IPMK: variants seen among roughly 807,000 people sequenced by gnomAD.
IPMK encodes the protein inositol polyphosphate multikinase.
In IPMK, 17 loss-of-function variants were observed where a neutral mutation model predicts 45.8. That is an observed-to-expected ratio of 0.37 (90% CI 0.25 to 0.56). IPMK has a LOEUF of 0.56. Ranked by LOEUF, IPMK falls within the 20% of genes least tolerant of loss-of-function variation. IPMK has a pLI of 0.79. For missense variants in IPMK, 399 were observed against 498.0 expected (o/e 0.80, Z 1.89); for synonymous variants, 180 against 184.3 (o/e 0.98, Z 0.19).
intron 2 of IPMK, among the ~76,000 whole-genome samples, chr10:58,230,875 T>C (rs1034011738): frequency 4.6e-5 from 7 of 152,020 alleles, no homozygotes; most frequent in Non-Finnish European, 8.8e-5. Context: ...ATAACAAACT[T>C]CTCCGAGCTA....
At chr10:58,257,358 G>C (rs150739471) in intron 1 of IPMK, among the ~76,000 whole-genome samples, 5,304 of 152,158 alleles carry the variant, frequency 0.035, 282 homozygotes, top group Admixed American at 0.15. Flanking sequence ...AGCTGGGCAT[G>C]GTGGCATGTG....
intron 1 of IPMK, among the ~76,000 whole-genome samples, chr10:58,266,627 T>A (rs1839151655): frequency 6.6e-6 from 1 of 152,216 alleles, no homozygotes; most frequent in African/African-American, 2.4e-5. Context: ...ATTACCCCAG[T>A]AATCATGGCC....
intron 4 of IPMK, among the ~76,000 whole-genome samples, chr10:58,207,275 T>A (rs953100965): frequency 6.6e-6 from 1 of 152,376 alleles, no homozygotes; most frequent in Middle Eastern, 3.4e-3. Context: ...AGTGCTGGGA[T>A]TACAGGCAAT....
intron 1 of IPMK, among the ~76,000 whole-genome samples, chr10:58,244,434 G>T (rs1298106361): frequency 7.5e-6 from 1 of 133,768 alleles, no homozygotes; most frequent in Non-Finnish European, 1.6e-5. Context: ...CAGCCACCCC[G>T]TCTGGGAGGT....
Position 58,267,469 on chromosome 10 carries a change from G to A in IPMK, c.143C>T (p.Pro48Leu), listed in dbSNP as rs770844074. The change falls in exon 1 of 6, where the codon CCC (proline) becomes CTC (leucine). Residue 48 changes from proline to leucine, a missense_variant. By Grantham distance (98) the Pro-to-Leu change is moderately conservative. Around this residue, in one of 2 missense-constraint regions of IPMK, gnomAD observed 111 missense variants for 99.9 expected, o/e 1.11. Transcript: ENST00000373935. ...GTGCCCGGCCACCTGATGCGAGAGG[G>A]GCACGCAGCCGTTGAGGAAGCGGAG... ...GRLRFLNGCV[P>L]LSHQVAGHMY... 20 of 1,613,766 alleles carry A rather than the reference G, an allele frequency of 1.2e-5. No homozygotes were observed. Among genetic ancestry groups the A allele is most frequent in the Non-Finnish European group, 1.7e-5 (20 of 1,179,884 alleles).
intron 1 of IPMK, among the ~76,000 whole-genome samples, chr10:58,248,819 C>T (rs1838841518): frequency 6.6e-6 from 1 of 152,184 alleles, no homozygotes; most frequent in South Asian, 2.1e-4. Flanking sequence ...TGGTTTATTT[C>T]ACTTCATATA....
intron 2 of IPMK, among the ~76,000 whole-genome samples, chr10:58,229,562 CAAAAAA>C (rs574403627): frequency 1.4e-5 from 1 of 73,014 alleles, no homozygotes; most frequent in Non-Finnish European, 2.5e-5. Flanking sequence ...GACCACGTCT[CAAAAAA>C]AAAAAAAAAA....
At chr10:58,237,676 G>C in intron 2 of IPMK, 53 bp downstream of exon 2, 1 of 1,347,480 alleles carries the variant, frequency 7.4e-7, no homozygotes, top group Non-Finnish European at 1.1e-6. Context: ...GTCACCACCA[G>C]AAAACTCTGA....
chr10:58,249,662 T>C (rs1838854695), intron 1 of IPMK, among the ~76,000 whole-genome samples: 1 of 152,222 alleles, frequency 6.6e-6, no homozygotes, highest in Non-Finnish European at 1.5e-5. Context: ...TGTCACTCTG[T>C]TGATTGTTTC....
At chr10:58,257,191 A>G (rs780404198) in intron 1 of IPMK, among the ~76,000 whole-genome samples, 3 of 152,204 alleles carry the variant, frequency 2.0e-5, no homozygotes, top group African/African-American at 4.8e-5. Context: ...TTTAATTTCA[A>G]TTAAACACAG....
chr10:58,209,463 C>T (rs1468016004), intron 4 of IPMK, among the ~76,000 whole-genome samples: 1 of 152,216 alleles, frequency 6.6e-6, no homozygotes, highest in Non-Finnish European at 1.5e-5. Context: ...GGTGCTCTCC[C>T]TATTCCCCTG....
chr10:58,261,987 G>A (rs1202909551), intron 1 of IPMK, among the ~76,000 whole-genome samples: 2 of 151,984 alleles, frequency 1.3e-5, no homozygotes, highest in Non-Finnish European at 2.9e-5. Flanking sequence ...ACAAACTATC[G>A]CAAGGACAGA....
At chr10:58,242,164 A>C (rs931654614) in intron 1 of IPMK, among the ~76,000 whole-genome samples, 7 of 152,192 alleles carry the variant, frequency 4.6e-5, no homozygotes, top group Non-Finnish European at 1.0e-4. Flanking sequence ...AAATAATCAG[A>C]CAGGGGAACT....
intron 4 of IPMK, among the ~76,000 whole-genome samples, chr10:58,205,269 G>A (rs925957435): frequency 7.1e-6 from 1 of 140,694 alleles, no homozygotes; most frequent in Admixed American, 6.8e-5. Flanking sequence ...ATACTATCAA[G>A]TAAGAAAATC....
chr10:58,201,108 C>T (rs905966691), intron 4 of IPMK, among the ~76,000 whole-genome samples: 2 of 151,916 alleles, frequency 1.3e-5, no homozygotes, highest in African/African-American at 4.8e-5. Flanking sequence ...TTGTAATAAA[C>T]ATATATGCAG....
intron 4 of IPMK, among the ~76,000 whole-genome samples, chr10:58,203,414 T>A (rs1465989470): frequency 6.6e-6 from 1 of 152,218 alleles, no homozygotes; most frequent in African/African-American, 2.4e-5. Context: ...CCTTTTGTAC[T>A]CAAGCAATCC....
At chr10:58,247,003 C>T (rs1838811868) in intron 1 of IPMK, among the ~76,000 whole-genome samples, 1 of 150,698 alleles carries the variant, frequency 6.6e-6, no homozygotes, top group African/African-American at 2.5e-5. Flanking sequence ...AGGACATGAA[C>T]AGACACTTCT....
Position 58,204,865 on chromosome 10 carries a change from G to A in IPMK, c.547-5544C>T, listed in dbSNP as rs574963947. Among the ~76,000 whole-genome samples, 3 of 152,140 alleles carry A rather than the reference G, an allele frequency of 2.0e-5. No homozygotes were observed. In the South Asian group the frequency reaches 6.2e-4, roughly 32 times the overall value. On this transcript the variant is annotated intron_variant, in intron 4 of 5. Transcript: ENST00000373935. ...CTCATAATTCAAAACTTACTCCAAAGCAACATTAATCAAAACAGTGTAGTA... is the reference window on the plus strand; with the variant it reads ...CTCATAATTCAAAACTTACTCCAAAACAACATTAATCAAAACAGTGTAGTA...
At chr10:58,197,823 A>C (rs949903459) in intron 5 of IPMK, among the ~76,000 whole-genome samples, 8 of 152,162 alleles carry the variant, frequency 5.3e-5, no homozygotes, top group African/African-American at 1.9e-4. Flanking sequence ...ACCTGAAGTC[A>C]GGAATTCAAG....
Sources: allele counts gnomAD v4.1 joint callset (sites outside exome capture counted in the v4.1 genomes callset), GRCh38; gene constraint gnomAD v4.1.1; regional missense constraint gnomAD v4.1.1; transcripts MANE v1.5; gene names NCBI Gene and HGNC (gene_info 2026-07-23, HGNC 2026-07-21).